Variants in PAPLN observed in about 807,000 individuals in gnomAD.
PAPLN encodes the protein papilin.
Under a neutral mutation model 159.0 loss-of-function variants are expected in PAPLN, and 146 were observed. The observed-to-expected ratio is 0.92, with a 90% confidence interval of 0.80 to 1.05. PAPLN has a LOEUF of 1.05. PAPLN is among the 50% of genes least tolerant of loss of function. The pLI is 0.00. For synonymous variants in PAPLN, 734 were observed against 702.9 expected (o/e 1.04, Z -0.70); for missense variants, 1,720 against 1,743.9 (o/e 0.99, Z 0.24).
chr14:73,267,897 C>T (rs922816742), intron 25 of PAPLN, among the ~76,000 whole-genome samples: 3 of 152,162 alleles, frequency 2.0e-5, no homozygotes, highest in Admixed American at 1.3e-4. Context: ...GACATAGTGT[C>T]CCCTTTACAG....
rs1486855287 is a variant in PAPLN, at chr14:73,264,635, C to A, written c.3034C>A (p.Gln1012Lys). 6.2e-7 allele frequency: 1 copy of A among 1,603,644 alleles called. No homozygotes were observed. Among genetic ancestry groups the A allele is most frequent in the Non-Finnish European group, 8.5e-7 (1 of 1,177,450 alleles). ...TGAGGCTGAGCTGAGCCGCTTCCCT[C>A]AGCCCAGGGACCCAGCTCAGGACTT... is the stretch of plus-strand genomic sequence containing the variant. ...LSEAELSRFPQPRDPAQDFGQ... is the reference protein window; with the variant it reads ...LSEAELSRFPKPRDPAQDFGQ... The change falls in exon 22 of 27, where the codon CAG becomes AAG. Residue 1012 changes from glutamine (Q) to lysine (K), a missense_variant. Coordinates refer to ENST00000644200, the MANE Select transcript of PAPLN (RefSeq NM_001365906.3).
At chr14:73,271,503 A>ATTT (rs57834403) in intron 26 of PAPLN, among the ~76,000 whole-genome samples, 60 of 143,760 alleles carry the variant, frequency 4.2e-4, no homozygotes, top group Middle Eastern at 3.6e-3. Context: ...GTAGAATGAA[A>ATTT]TTTTTTTTTT....
rs116738126 is a variant in PAPLN, at chr14:73,241,352, G to A, written c.54+1520G>A. 1.7e-3 allele frequency among the ~76,000 whole-genome samples: 263 copies of A among 152,334 alleles called. 3 individuals are homozygous for A. The highest frequency in any genetic ancestry group is 5.4e-3 in the African/African-American group (226 of 41,568). ...GAAGGCCAAAGCCCAGGTGGAGGGGGCACGAGGACAGCGTCCAGGCCCCAG... is the reference window on the plus strand; with the variant it reads ...GAAGGCCAAAGCCCAGGTGGAGGGGACACGAGGACAGCGTCCAGGCCCCAG... On this transcript the variant is annotated intron_variant, in intron 2 of 26. Transcript: ENST00000644200.
Position 73,272,706 on chromosome 14 carries a change from G to C in PAPLN, c.*42G>C. 1.4e-6 allele frequency: 2 copies of C among 1,450,044 alleles called. No homozygotes were observed. Among genetic ancestry groups the C allele is most frequent in the Non-Finnish European group, 9.2e-7 (1 of 1,087,196 alleles). 89.8% of individuals were successfully genotyped at this position (1,450,044 alleles called of 1,614,324 possible). On this transcript the variant is annotated 3_prime_UTR_variant, in exon 27 of 27. Coordinates refer to ENST00000644200, the MANE Select transcript of PAPLN (RefSeq NM_001365906.3). ...CAGCCCCAGTCCAAAATAGTTCATA[G>C]GGCTAGGGAGAAAGGAAGATGGACT...
In PAPLN at chr14:73,245,421, A is replaced by C; in HGVS notation, c.171-215A>C. ...TGGTCCCGCCTTAAATCCAAACTAT[A>C]GGGTGGGTAGGGCTCTGAGTCCCGC... On this transcript the variant is annotated intron_variant, in intron 3 of 26. Transcript: ENST00000644200. The surrounding 1 kb of genome is among the most constrained non-coding windows in gnomAD (Gnocchi z 4.2). The C allele has an allele frequency of 1.7e-6, 1 of 575,750 alleles. No homozygotes were observed. Among genetic ancestry groups the C allele is most frequent in the Non-Finnish European group, 3.1e-6 (1 of 322,314 alleles). 35.7% of individuals were successfully genotyped at this position (575,750 alleles called of 1,614,324 possible).
chr14:73,251,618 G>A (rs1885259811), intron 8 of PAPLN, 46 bp from the exon 9 acceptor site: 11 of 1,613,358 alleles, frequency 6.8e-6, no homozygotes, highest in Non-Finnish European at 8.5e-6. Context: ...AGGGGGAGGT[G>A]CGGCACTGCT....
upstream of PAPLN, among the ~76,000 whole-genome samples, chr14:73,236,375 C>T (rs147760243): frequency 9.8e-4 from 149 of 152,282 alleles, 1 homozygote; most frequent in African/African-American, 3.3e-3. Context: ...GCAGGACATG[C>T]ACCCCATCGG....
chr14:73,258,398 T>A (rs1383651209), intron 14 of PAPLN, among the ~76,000 whole-genome samples: 3 of 152,142 alleles, frequency 2.0e-5, no homozygotes, highest in Non-Finnish European at 2.9e-5. Context: ...TCCAATTTTT[T>A]AAAAAAGTAT....
chr14:73,253,069 A>G, intron 11 of PAPLN: 1 of 1,296,278 alleles, frequency 7.7e-7, no homozygotes, highest in South Asian at 1.2e-5. Context: ...CTGAGCCAGC[A>G]GAGGGTTTGG....
At chr14:73,248,106 T>TGTGCGC (rs139626596) in intron 5 of PAPLN, among the ~76,000 whole-genome samples, 29 of 78,506 alleles carry the variant, frequency 3.7e-4, no homozygotes, top group Admixed American at 6.8e-4. Flanking sequence ...TGTGTGTGTG[T>TGTGCGC]GCGCGTGTGT....
chr14:73,257,398 G>C (rs1428733476), intron 14 of PAPLN, among the ~76,000 whole-genome samples: 1 of 68,920 alleles, frequency 1.5e-5, no homozygotes, highest in Non-Finnish European at 3.0e-5. Flanking sequence ...CTTTCACTAT[G>C]GGCATTATTT....
intron 10 of PAPLN, among the ~76,000 whole-genome samples, chr14:73,252,423 G>A (rs1013818682): frequency 3.3e-5 from 5 of 152,156 alleles, no homozygotes; most frequent in Non-Finnish European, 5.9e-5. Flanking sequence ...GCTGGGCCTG[G>A]GGTCAGTGAT....
Position 73,259,506 on chromosome 14 carries a change from A to C in PAPLN, c.1946A>C (p.Gln649Pro), listed in dbSNP as rs1468145007. The C allele has an allele frequency of 6.3e-7, 1 of 1,599,800 alleles. No individual in the cohort carries two copies. Among genetic ancestry groups the C allele is most frequent in the Non-Finnish European group, 8.5e-7 (1 of 1,173,086 alleles). ...PDGHTASLGP[Q>P]WQGCPGAPCQ... ...GGCCACACGGCATCTCTCGGGCCTC[A>C]GTGGCAAGGCTGCCCTGGGGCCCCC... Residue 649 changes from glutamine (Q) to proline (P), a missense_variant, in exon 16 of 27, where the codon CAG becomes CCG. Gln to Pro is a moderately conservative substitution (Grantham distance 76). Transcript: ENST00000644200.
At chr14:73,270,750 C>T (rs1257608451) in intron 26 of PAPLN, among the ~76,000 whole-genome samples, 1 of 152,174 alleles carries the variant, frequency 6.6e-6, no homozygotes, top group Non-Finnish European at 1.5e-5. Flanking sequence ...CTGGTCACCA[C>T]GCTGAAATGG....
chr14:73,248,187 G>C (rs1372222759), intron 5 of PAPLN, among the ~76,000 whole-genome samples: 1 of 144,864 alleles, frequency 6.9e-6, no homozygotes, highest in Non-Finnish European at 1.5e-5. Context: ...GTGTGTGTGT[G>C]TCTGTGTGTG....
chr14:73,262,625 C>A lies in PAPLN; in HGVS notation c.2521C>A (p.His841Asn), dbSNP rs1886713732. Residue 841 changes from histidine (H) to asparagine (N), a missense_variant, in exon 19 of 27, where the codon CAC (histidine) becomes AAC (asparagine). Transcript: ENST00000644200. ...TGCAGGCGAGCAGGAACCCAGCCAG[C>A]ACAGGACAGGGGCCGCGGTGCAGAG... ...SPAGEQEPSQ[H>N]RTGAAVQRKP... The A allele has an allele frequency of 6.5e-7, 1 of 1,540,338 alleles. No homozygotes were observed.
chr14:73,262,714 C>A lies in PAPLN; in HGVS notation c.2610C>A (p.Pro870=), dbSNP rs1221306242. 1 of 1,510,676 alleles carries A rather than the reference C, an allele frequency of 6.6e-7. No individual in the cohort carries two copies. Among genetic ancestry groups the A allele is most frequent in the Non-Finnish European group, 8.8e-7 (1 of 1,132,024 alleles). 93.6% of individuals were successfully genotyped at this position (1,510,676 alleles called of 1,614,324 possible). A position where few individuals can be genotyped will look rare whatever the true frequency, so the allele number is the denominator to read the frequency against. ...QDQQPGPGEA[P]HTQAFGEWPW... ...AACAGCCTGGGCCAGGGGAGGCCCC[C>A]CACACCCAGGCCTTTGGAGAATGGC... Residue 870 remains proline, a synonymous_variant, in exon 19 of 27, where the codon CCC becomes CCA. Coordinates refer to ENST00000644200, the MANE Select transcript of PAPLN (RefSeq NM_001365906.3).
Position 73,272,846 on chromosome 14 carries a change from T to A in PAPLN, c.*182T>A. 1 of 519,026 alleles carries A rather than the reference T, an allele frequency of 1.9e-6. No homozygotes were observed. The highest frequency in any genetic ancestry group is 3.1e-6 in the Non-Finnish European group (1 of 322,840). The allele number at this position is 519,026 out of a possible 1,614,324, so 32.2% of individuals were successfully genotyped here. On this transcript the variant is annotated 3_prime_UTR_variant, in exon 27 of 27. Transcript: ENST00000644200. ...GCAGCCAGTTACCAGCTTCTCTCTG[T>A]AGCCTTCAGCAGTGTTTGCATCTCT...
chr14:73,247,589 CGTGTGT>C (rs138946508), intron 5 of PAPLN, among the ~76,000 whole-genome samples: 1 of 115,210 alleles, frequency 8.7e-6, no homozygotes, highest in African/African-American at 3.3e-5. Flanking sequence ...GTCCTCTGTG[CGTGTGT>C]GTGTGTGTTG....
Sources: allele counts gnomAD v4.1 joint callset (sites outside exome capture counted in the v4.1 genomes callset), GRCh38; gene constraint gnomAD v4.1.1; non-coding constraint Gnocchi (gnomAD v3.1); transcripts MANE v1.5; gene names NCBI Gene and HGNC (gene_info 2026-07-23, HGNC 2026-07-21).